Variants in SACS observed in about 807,000 individuals in gnomAD.
SACS encodes sacsin.
Under a neutral mutation model 348.0 loss-of-function variants are expected in SACS, and 197 were observed. The ratio of observed to expected loss-of-function variants is 0.57; its 90% CI spans 0.50 to 0.64. The LOEUF is 0.64. Among genes scored for constraint, SACS ranks in the 30% least tolerant of loss-of-function variants. The pLI is 0.00. For synonymous variants in SACS, 1,985 were observed against 1,910.6 expected, an observed-to-expected ratio of 1.04 and a Z score of -1.02; for missense variants, 4,999 against 5,360.8, an observed-to-expected ratio of 0.93 and a Z score of 2.11.
rs368180854 is a variant in SACS at position 23,406,022 on chromosome 13, C to T, written c.20+5198G>A. 1.3e-3 allele frequency among the ~76,000 whole-genome samples: 191 copies of T among 152,280 alleles called. 2 individuals carry two copies. Among genetic ancestry groups the T allele is most frequent in the African/African-American group, 4.5e-3 (185 of 41,564 alleles). ...GAAATACCATTTGACCCAGCAATCC[C>T]GTTACTGGGTATATACCCAAAGGAT... On this transcript the variant is annotated intron_variant, in intron 2 of 9. Coordinates refer to ENST00000382292, the MANE Select transcript of SACS (RefSeq NM_014363.6).
intron 2 of SACS, among the ~76,000 whole-genome samples, chr13:23,389,537 T>C (rs35848742): frequency 6.6e-6 from 1 of 152,234 alleles, no homozygotes; most frequent in African/African-American, 2.4e-5. Context: ...CTTAATATGG[T>C]ATCTGCAAAG....
Position 23,337,802 on chromosome 13 carries a change from C to G in SACS, c.6074G>C (p.Cys2025Ser). ...YLKKTGSKNL[C>S]AVELPSSVKL... ...TACCGAAGAAGGAAGTTCAACAGCA[C>G]AAAGGTTTTTGGACCCAGTCTTCTT... Residue 2025 changes from cysteine (C) to serine (S), a missense_variant, in exon 10 of 10, where the codon TGT becomes TCT. This residue lies in a region of SACS where 3,156 missense variants were observed against 3,380.1 expected (regional missense o/e 0.93). Transcript: ENST00000382292. 3.7e-6 allele frequency: 6 copies of G among 1,613,918 alleles called. No individual in the cohort carries two copies. Among genetic ancestry groups the G allele is most frequent in the Non-Finnish European group, 5.1e-6 (6 of 1,179,936 alleles).
At position 23,340,228 on chromosome 13, in the gene SACS, G is replaced by C. The variant is rs1367616562; in HGVS notation, c.3648C>G (p.Phe1216Leu). 6.2e-7 allele frequency: 1 copy of C among 1,610,402 alleles called. No homozygotes were observed. Among genetic ancestry groups the C allele is most frequent in the African/African-American group, 1.3e-5 (1 of 75,024 alleles). ...HVNLEKALGI[F>L]TKPSLSAVLK... ...AGACAGCACTAAGGCTAGGTTTTGTGAAGATCCCTAATGCTTTTTCCAGGT... is the reference window on the plus strand; with the variant it reads ...AGACAGCACTAAGGCTAGGTTTTGTCAAGATCCCTAATGCTTTTTCCAGGT... Residue 1216 changes from phenylalanine to leucine, a missense_variant, in exon 10 of 10, where the codon TTC (phenylalanine) becomes TTG (leucine). Phe to Leu is a conservative substitution (Grantham distance 22). Around this residue, in one of 6 missense-constraint regions of SACS, gnomAD observed 3,156 missense variants for 3,380.1 expected, o/e 0.93. Transcript: ENST00000382292.
intron 2 of SACS, among the ~76,000 whole-genome samples, chr13:23,395,724 G>A (rs915863434): frequency 1.1e-4 from 17 of 152,158 alleles, no homozygotes; most frequent in Admixed American, 2.6e-4. Context: ...ATTAGCCCTC[G>A]TAGTGAGCAG....
chr13:23,388,783 G>A (rs1213956255), intron 2 of SACS, among the ~76,000 whole-genome samples: 4 of 151,834 alleles, frequency 2.6e-5, no homozygotes, highest in East Asian at 1.9e-4. Context: ...TGGGTATAAC[G>A]TGCGCTACTC....
At chr13:23,352,529 A>G (rs1447633012) in intron 9 of SACS, among the ~76,000 whole-genome samples, 2 of 152,186 alleles carry the variant, frequency 1.3e-5, no homozygotes, top group South Asian at 2.1e-4. Flanking sequence ...CTAGGTTTAC[A>G]TGGGTATGTT....
At position 23,375,259 on chromosome 13, in the gene SACS, C is replaced by T; in HGVS notation, c.31G>A (p.Val11Met). The change falls in exon 3 of 10, where the codon GTG (valine) becomes ATG (methionine). Residue 11 changes from valine to methionine, a missense_variant. Physicochemically the swap from Val to Met is conservative, Grantham distance 21. This residue lies in a region of SACS where 3,156 missense variants were observed against 3,380.1 expected (regional missense o/e 0.93). Transcript: ENST00000382292. ...CCCACGCAGCCGGGGAGCACGGTCACCGGGACCCACCTGTGGAAAGCAGAG... is the reference window on the plus strand; with the variant it reads ...CCCACGCAGCCGGGGAGCACGGTCATCGGGACCCACCTGTGGAAAGCAGAG... METKENRWVP[V>M]TVLPGCVGCR... 1 of 1,473,076 alleles carries T rather than the reference C, an allele frequency of 6.8e-7. No homozygotes were observed. Among genetic ancestry groups the T allele is most frequent in the Non-Finnish European group, 9.0e-7 (1 of 1,108,606 alleles). The allele number at this position is 1,473,076 out of a possible 1,614,324, so 91.3% of individuals were successfully genotyped here. A position where few individuals can be genotyped will look rare whatever the true frequency, so the allele number is the denominator to read the frequency against.
intron 2 of SACS, among the ~76,000 whole-genome samples, chr13:23,398,553 A>G (rs1872808756): frequency 6.9e-6 from 1 of 145,214 alleles, no homozygotes; most frequent in Non-Finnish European, 1.5e-5. Context: ...AAAAAAAAAG[A>G]AATACACTCG....
At chr13:23,391,138 G>A (rs1872513939) in intron 2 of SACS, among the ~76,000 whole-genome samples, 1 of 152,228 alleles carries the variant, frequency 6.6e-6, no homozygotes, top group South Asian at 2.1e-4. Flanking sequence ...AATCATTGTG[G>A]AATCTGCACA....
intron 1 of SACS, among the ~76,000 whole-genome samples, chr13:23,413,134 C>A: frequency 6.6e-6 from 1 of 152,204 alleles, no homozygotes; most frequent in Non-Finnish European, 1.5e-5. Context: ...AGCACCACCA[C>A]GCCCAGCTAA....
rs539069124 is a variant in SACS, at chr13:23,340,938, T to G, written c.2938A>C (p.Met980Leu). The change falls in exon 10 of 10, where the codon ATG becomes CTG. Residue 980 changes from methionine to leucine, a missense_variant. Coordinates refer to ENST00000382292, the MANE Select transcript of SACS (RefSeq NM_014363.6). ...SDEATIRLANMLKIEQLKTTS... is the reference protein window; with the variant it reads ...SDEATIRLANLLKIEQLKTTS... ...GTCTTTAACTGTTCTATTTTCAACA[T>G]GTTTGCCAGACGAATAGTAGCTTCA... is the stretch of plus-strand genomic sequence containing the variant. The G allele has an allele frequency of 3.1e-6, 5 of 1,614,046 alleles. No individual in the cohort carries two copies. In the South Asian group the frequency reaches 5.5e-5, roughly 18 times the overall value.
At chr13:23,375,027 C>G (rs1871652271) in intron 3 of SACS, 92 bp downstream of exon 3, 4 of 1,263,948 alleles carry the variant, frequency 3.2e-6, no homozygotes, top group Non-Finnish European at 4.1e-6. Flanking sequence ...TCGCGCCGCC[C>G]GCGGAAACCT....
chr13:23,414,164 C>T (rs546696165), intron 1 of SACS, among the ~76,000 whole-genome samples: 3 of 152,250 alleles, frequency 2.0e-5, no homozygotes, highest in South Asian at 2.1e-4. Context: ...GTTAGCCGGG[C>T]GTGGTGGCGG....
chr13:23,348,700 T>A (rs1398696890), intron 9 of SACS, among the ~76,000 whole-genome samples: 1 of 151,944 alleles, frequency 6.6e-6, no homozygotes, highest in East Asian at 1.9e-4. Flanking sequence ...ACACATGAGC[T>A]CAGTACTGAA....
rs146593146 is a variant in SACS at position 23,417,959 on chromosome 13, C to G, written c.-501-6219G>C. On this transcript the variant is annotated intron_variant, in intron 1 of 9. Transcript: ENST00000382292. The stretch of plus-strand genomic sequence containing the variant: ...TGGCACGCACTTGTAGTCACAGTTA[C>G]TAGGGAGGCTGAGGTGGGAGGATCA... Among the ~76,000 whole-genome samples the G allele has an allele frequency of 5.4e-3, 811 of 150,718 alleles. 10 individuals carry two copies. Among genetic ancestry groups the G allele is most frequent in the African/African-American group, 0.019 (781 of 40,898 alleles).
chr13:23,416,672 G>T (rs1300971923), intron 1 of SACS, among the ~76,000 whole-genome samples: 3 of 151,044 alleles, frequency 2.0e-5, no homozygotes, highest in African/African-American at 4.9e-5. Flanking sequence ...CAAGGGAATT[G>T]CTTGAGCCCG....
In SACS at chr13:23,354,510, G is replaced by A. The variant is rs1870192787; in HGVS notation, c.2093+9C>T. On this transcript the variant is annotated intron_variant, in intron 8 of 9. Transcript: ENST00000382292. The stretch of plus-strand genomic sequence containing the variant: ...GAGTGAACAGGAATGTTAGAAGGGG[G>A]ACCCCTACCTTGGATATTCTGCTGA... 3.1e-6 allele frequency: 5 copies of A among 1,612,416 alleles called. No individual in the cohort carries two copies. The highest frequency in any genetic ancestry group is 1.6e-4 in the Middle Eastern group (1 of 6,076).
At chr13:23,343,591 A>G (rs1401407847) in intron 9 of SACS, among the ~76,000 whole-genome samples, 1 of 152,190 alleles carries the variant, frequency 6.6e-6, no homozygotes, top group Non-Finnish European at 1.5e-5. Flanking sequence ...AGGCTGAGGC[A>G]GAGAACTGCT....
rs574747100 is a variant in SACS at position 23,365,245 on chromosome 13, C to T, written c.378G>A (p.Ala126=). Residue 126 remains alanine (A), a synonymous_variant, in exon 6 of 10, where the codon GCG becomes GCA. Transcript: ENST00000382292. ...ELIQNAEDAG[A]TEVKFLYDET... ...CATCATATAAAAATTTAACTTCTGTCGCCCCAGCATCTTCTGCATTCTGAA... is the reference window on the plus strand; with the variant it reads ...CATCATATAAAAATTTAACTTCTGTTGCCCCAGCATCTTCTGCATTCTGAA... 2.0e-5 allele frequency: 32 copies of T among 1,610,888 alleles called. No individual in the cohort carries two copies. The highest frequency in any genetic ancestry group is 8.9e-5 in the South Asian group (8 of 89,912).
Sources: gnomAD v4.1 joint callset for allele counts (sites outside exome capture counted in the v4.1 genomes callset) on GRCh38, gnomAD v4.1.1 for gene constraint, gnomAD v4.1.1 regional missense constraint, MANE v1.5 for transcripts, NCBI Gene and HGNC (gene_info 2026-07-23, HGNC 2026-07-21) for gene names.